Variants in PRDM11 observed in about 807,000 individuals in gnomAD.
PRDM11 encodes the protein PR/SET domain 11, also known as PR domain-containing protein 11.
PRDM11 carries 20 observed loss-of-function variants against 97.8 expected under a neutral mutation model. That is an observed-to-expected ratio of 0.20 (90% CI 0.14 to 0.30). PRDM11 has a LOEUF of 0.30. PRDM11 is among the 10% of genes least tolerant of loss of function. The pLI is 1.00. For missense variants in PRDM11, 1,139 were observed against 1,555.2 expected (o/e 0.73, Z 4.50); for synonymous variants, 599 against 637.7 (o/e 0.94, Z 0.91).
At chr11:45,212,995 A>G (rs1415577719) in intron 5 of PRDM11, 8 of 387,950 alleles carry the variant, frequency 2.1e-5, no homozygotes, top group Non-Finnish European at 3.7e-5. Flanking sequence ...CCCCAGCATC[A>G]GCCCCCACAC....
chr11:45,203,087 C>T (rs1211793245), intron 4 of PRDM11, among the ~76,000 whole-genome samples: 1 of 152,128 alleles, frequency 6.6e-6, no homozygotes, highest in Non-Finnish European at 1.5e-5. Context: ...AAGGGCTTCT[C>T]TGCTGCTTTG....
chr11:45,106,780 G>C (rs1282040113), intron 1 of PRDM11, among the ~76,000 whole-genome samples: 1 of 152,216 alleles, frequency 6.6e-6, no homozygotes, highest in Non-Finnish European at 1.5e-5. Context: ...TGTCGCAGGA[G>C]AGCAAGGCAG....
intron 5 of PRDM11, chr11:45,213,679 C>T (rs1265753040): frequency 2.2e-6 from 1 of 456,416 alleles, no homozygotes; most frequent in East Asian, 6.9e-5. Flanking sequence ...CTCGCCCTTG[C>T]AGAGTCTGGG....
At chr11:45,128,442 C>G (rs1184554781) in intron 1 of PRDM11, among the ~76,000 whole-genome samples, 1 of 152,186 alleles carries the variant, frequency 6.6e-6, no homozygotes, top group African/African-American at 2.4e-5. Context: ...CTGCGTCGCT[C>G]ACGCTGGAAG....
chr11:45,170,365 G>A (rs762533055), intron 1 of PRDM11, among the ~76,000 whole-genome samples: 2 of 152,016 alleles, frequency 1.3e-5, no homozygotes, highest in East Asian at 1.9e-4. Context: ...AAAAAATCCA[G>A]CAAAGAAGGA....
chr11:45,151,863 G>A (rs900535120), intron 1 of PRDM11, among the ~76,000 whole-genome samples: 4 of 152,116 alleles, frequency 2.6e-5, no homozygotes, highest in South Asian at 2.1e-4. Context: ...TAGTTCATTC[G>A]GGTAGAGAGT....
At chr11:45,180,758 GC>G (rs971631931) in intron 1 of PRDM11, among the ~76,000 whole-genome samples, 1 of 149,918 alleles carries the variant, frequency 6.7e-6, no homozygotes, top group Non-Finnish European at 1.5e-5. Context: ...GGGAGAGCCC[GC>G]CCGCGCCCGC....
chr11:45,141,532 T>C (rs1851403828), intron 1 of PRDM11, among the ~76,000 whole-genome samples: 2 of 152,194 alleles, frequency 1.3e-5, no homozygotes, highest in African/African-American at 4.8e-5. Context: ...AGTGAAAGGA[T>C]TTCAGGTAGC....
At chr11:45,158,160 T>G (rs1590390592) in intron 1 of PRDM11, among the ~76,000 whole-genome samples, 1 of 152,168 alleles carries the variant, frequency 6.6e-6, no homozygotes, top group Non-Finnish European at 1.5e-5. Flanking sequence ...GAGTCGCTGG[T>G]CTTCAACTCT....
chr11:45,113,199 T>C (rs1852221632), intron 1 of PRDM11, among the ~76,000 whole-genome samples: 1 of 152,236 alleles, frequency 6.6e-6, no homozygotes, highest in Admixed American at 6.5e-5. Context: ...CACCATTTAT[T>C]GAATACAGCG....
intron 5 of PRDM11, among the ~76,000 whole-genome samples, chr11:45,206,537 G>A (rs571168805): frequency 1.6e-4 from 25 of 152,278 alleles, no homozygotes; most frequent in East Asian, 5.8e-4. Context: ...CTTTTAAGGC[G>A]CCGGGAGCTT....
At chr11:45,106,816 G>T (rs1387625325) in intron 1 of PRDM11, among the ~76,000 whole-genome samples, 2 of 152,208 alleles carry the variant, frequency 1.3e-5, no homozygotes, top group South Asian at 2.1e-4. Flanking sequence ...TCTAGATCTA[G>T]CCTGGGAAGT....
At chr11:45,203,449 GT>G (rs1256379750) in intron 4 of PRDM11, among the ~76,000 whole-genome samples, 1 of 150,636 alleles carries the variant, frequency 6.6e-6, no homozygotes, top group Non-Finnish European at 1.5e-5. Flanking sequence ...AACAAAGAAA[GT>G]TGGAAAAACC....
chr11:45,234,201 T>G lies in PRDM11; in HGVS notation c.*6042T>G, dbSNP rs756572347. ...CCCAGAAGCCCATTTGCTCGCAGTT[T>G]CCTCTCTCTGTTTTTTTCCTCCTGG... On this transcript the variant is annotated 3_prime_UTR_variant, in exon 8 of 8. Coordinates refer to ENST00000683152, the MANE Select transcript of PRDM11 (RefSeq NM_001384648.1). 3 of 152,398 alleles carry G rather than the reference T, an allele frequency of 2.0e-5. No individual in the cohort carries two copies. Among genetic ancestry groups the G allele is most frequent in the Admixed American group, 6.5e-5 (1 of 15,304 alleles). 9.4% of individuals were successfully genotyped at this position (152,398 alleles called of 1,614,324 possible).
At chr11:45,156,191 G>T (rs1051368419) in intron 1 of PRDM11, among the ~76,000 whole-genome samples, 4 of 152,240 alleles carry the variant, frequency 2.6e-5, no homozygotes, top group African/African-American at 9.6e-5. Flanking sequence ...ATGATGGGCA[G>T]TGTAAAGAAA....
At position 45,227,832 on chromosome 11, in the gene PRDM11, A is replaced by G; in HGVS notation, c.3207A>G (p.Pro1069=). The change falls in exon 8 of 8, where the codon CCA becomes CCG. Residue 1069 remains proline, a synonymous_variant. Transcript: ENST00000683152. The surrounding 1 kb of genome is among the most constrained non-coding windows in gnomAD (Gnocchi z 8.0). ...SHICKYKQRF[P]LLNKIIQVLK... is the part of the protein sequence containing the mutation. Reference sequence around the variant, plus strand: ...TTTGCAAGTACAAACAGAGGTTTCCACTCTTGAACAAGATCATCCAGGTTC... The same window carrying G: ...TTTGCAAGTACAAACAGAGGTTTCCGCTCTTGAACAAGATCATCCAGGTTC... 1 of 1,533,778 alleles carries G rather than the reference A, an allele frequency of 6.5e-7. No individual in the cohort carries two copies. Among genetic ancestry groups the G allele is most frequent in the Non-Finnish European group, 8.7e-7 (1 of 1,146,694 alleles).
chr11:45,107,459 T>C (rs1364690085), intron 1 of PRDM11, among the ~76,000 whole-genome samples: 1 of 152,142 alleles, frequency 6.6e-6, no homozygotes, highest in Non-Finnish European at 1.5e-5. Flanking sequence ...TGGATACACA[T>C]GGTTTTGTGT....
At chr11:45,213,708 A>G (rs779685137) in intron 5 of PRDM11, 58 of 456,394 alleles carry the variant, frequency 1.3e-4, no homozygotes, top group Non-Finnish European at 2.2e-4. Context: ...GTGGGGGCTC[A>G]GGACAGTCAG....
rs1472732887 is a variant in PRDM11 at position 45,219,769 on chromosome 11, G to T, written c.742+12G>T. On this transcript the variant is annotated intron_variant, in intron 6 of 7. Transcript: ENST00000683152. This position sits in a 1 kb window ranked among gnomAD's most constrained non-coding sequence, Gnocchi z 4.2. ...CAACCTGGCCAGAGGTGAGTGCCAT[G>T]CTCCACATGAGCTGCGCCCACCTCT... 1.2e-6 allele frequency: 2 copies of T among 1,610,370 alleles called. No individual in the cohort carries two copies. Among genetic ancestry groups the T allele is most frequent in the Admixed American group, 1.7e-5 (1 of 59,884 alleles).
Sources: gnomAD v4.1 joint callset for allele counts (sites outside exome capture counted in the v4.1 genomes callset) on GRCh38, gnomAD v4.1.1 for gene constraint, Gnocchi (gnomAD v3.1) non-coding constraint, MANE v1.5 for transcripts, NCBI Gene and HGNC (gene_info 2026-07-23, HGNC 2026-07-21) for gene names.